Variants in UIMC1 observed in about 807,000 individuals in gnomAD.
UIMC1 encodes the protein ubiquitin interaction motif containing 1.
Under a neutral mutation model 84.9 loss-of-function variants are expected in UIMC1, and 42 were observed. The ratio of observed to expected loss-of-function variants is 0.49; its 90% CI spans 0.39 to 0.64. The LOEUF (loss-of-function observed/expected upper bound fraction) is 0.64. Among genes scored for constraint, UIMC1 ranks in the 30% least tolerant of loss-of-function variants. The pLI is 0.00. For missense variants in UIMC1, 825 were observed against 847.6 expected (o/e 0.97, Z 0.33); for synonymous variants, 281 against 293.0 (o/e 0.96, Z 0.42).
intron 10 of UIMC1, among the ~76,000 whole-genome samples, chr5:176,934,456 C>T (rs926504427): frequency 2.0e-5 from 3 of 152,124 alleles, no homozygotes; most frequent in African/African-American, 7.2e-5. Flanking sequence ...AGAGATGCAA[C>T]GGGTATCTTG....
chr5:176,938,310 G>A (rs1284548545), intron 10 of UIMC1, among the ~76,000 whole-genome samples: 4 of 150,744 alleles, frequency 2.7e-5, no homozygotes, highest in Admixed American at 2.6e-4. Context: ...TCTGTCTCCA[G>A]TCATATAAAG....
At chr5:177,006,789 G>C (rs1392113059), upstream of UIMC1, 1 of 152,230 alleles carries the variant, frequency 6.6e-6, no homozygotes, top group Non-Finnish European at 1.5e-5. Flanking sequence ...CGCAGGCGCA[G>C]CGCGCGGAGA....
At chr5:176,908,178 G>A (rs144015364) in intron 12 of UIMC1, among the ~76,000 whole-genome samples, 1 of 151,560 alleles carries the variant, frequency 6.6e-6, no homozygotes, top group Admixed American at 6.6e-5. Context: ...AGAGAGAAGG[G>A]GGGAGAGGGA....
chr5:177,008,717 T>C (rs574867774), upstream of UIMC1, among the ~76,000 whole-genome samples: 62 of 152,096 alleles, frequency 4.1e-4, no homozygotes, highest in Non-Finnish European at 5.6e-4. Context: ...GTGTAATCTC[T>C]CTTCTTGTGT....
chr5:176,915,663 G>C (rs904748398), intron 10 of UIMC1, among the ~76,000 whole-genome samples: 1 of 151,390 alleles, frequency 6.6e-6, no homozygotes, highest in Non-Finnish European at 1.5e-5. Flanking sequence ...ACCATCTTGG[G>C]CAGGCTGGTC....
At chr5:177,007,456 G>T (rs1284432194), upstream of UIMC1, among the ~76,000 whole-genome samples, 1 of 151,692 alleles carries the variant, frequency 6.6e-6, no homozygotes, top group Non-Finnish European at 1.5e-5. Flanking sequence ...GTGAACAGCA[G>T]AAATGTCCAA....
At chr5:176,998,420 C>G (rs116223621) in intron 1 of UIMC1, among the ~76,000 whole-genome samples, 1 of 143,160 alleles carries the variant, frequency 7.0e-6, no homozygotes, top group Non-Finnish European at 1.5e-5. Context: ...GCTGAGATTG[C>G]GCCACCACTG....
chr5:176,954,759 A>AG (rs976111389), intron 8 of UIMC1, among the ~76,000 whole-genome samples: 16 of 151,580 alleles, frequency 1.1e-4, no homozygotes, highest in African/African-American at 3.9e-4. Flanking sequence ...AAAAAAAAAA[A>AG]AAAAGAAAAA....
At chr5:176,928,626 C>T (rs1002852139) in intron 10 of UIMC1, among the ~76,000 whole-genome samples, 26 of 152,170 alleles carry the variant, frequency 1.7e-4, no homozygotes, top group Non-Finnish European at 1.6e-4. Context: ...TTGGACTCAA[C>T]GAGAGTTGAA....
At chr5:176,953,797 C>A (rs957048967) in intron 8 of UIMC1, among the ~76,000 whole-genome samples, 2 of 151,822 alleles carry the variant, frequency 1.3e-5, no homozygotes, top group African/African-American at 4.8e-5. Context: ...AACTAAGTAA[C>A]ACTAAAAAGA....
intron 10 of UIMC1, among the ~76,000 whole-genome samples, chr5:176,925,030 C>CAA (rs749987567): frequency 2.1e-4 from 11 of 52,942 alleles, no homozygotes; most frequent in Admixed American, 4.0e-4. Context: ...GACTCTGCCT[C>CAA]AAAAAAAAAA....
intron 1 of UIMC1, among the ~76,000 whole-genome samples, chr5:176,986,359 CAAAAAAAAAAAAAAA>C (rs71583560): frequency 7.1e-5 from 2 of 28,004 alleles, no homozygotes; most frequent in East Asian, 1.9e-3. Flanking sequence ...GACTTCATCT[CAAAAAAAAAAAAAAA>C]AAAAAAAAAA....
At chr5:176,929,880 A>G (rs1056746043) in intron 10 of UIMC1, among the ~76,000 whole-genome samples, 1 of 152,214 alleles carries the variant, frequency 6.6e-6, no homozygotes, top group African/African-American at 2.4e-5. Flanking sequence ...CTTCTAAAGA[A>G]TCATCAATGG....
At chr5:176,925,771 TGAAGAAGA>T (rs1275860420) in intron 10 of UIMC1, among the ~76,000 whole-genome samples, 1 of 151,950 alleles carries the variant, frequency 6.6e-6, no homozygotes, top group African/African-American at 2.4e-5. Flanking sequence ...GGGGGAGGGG[TGAAGAAGA>T]GATATGAGGG....
intron 6 of UIMC1, among the ~76,000 whole-genome samples, chr5:176,964,337 A>G (rs959988442): frequency 2.4e-4 from 36 of 152,378 alleles, no homozygotes; most frequent in Admixed American, 2.0e-3. Flanking sequence ...TCAGTGAACT[A>G]GATATTCTCA....
intron 1 of UIMC1, among the ~76,000 whole-genome samples, chr5:176,984,170 CGCCTCTGCCCGGCCGCCCCG>C (rs1771556844): frequency 8.8e-6 from 1 of 114,020 alleles, no homozygotes; most frequent in African/African-American, 3.4e-5. Context: ...AAGTGAGGAG[CGCCTCTGCCCGGCCGCCCCG>C]AATGGGAAGT....
chr5:176,905,513 T>A (rs369243368), intron 14 of UIMC1, 21 bp from the exon 15 acceptor site: 1 of 1,609,390 alleles, frequency 6.2e-7, no homozygotes, highest in African/African-American at 1.3e-5. Flanking sequence ...GGAAAAAAAT[T>A]CAGATTCAAT....
chr5:176,998,466 C>A (rs1388618404), intron 1 of UIMC1, among the ~76,000 whole-genome samples: 118 of 64,380 alleles, frequency 1.8e-3, no homozygotes, highest in African/African-American at 2.7e-3. Flanking sequence ...GACTCTGTCT[C>A]AAAAAAAAAA....
At chr5:176,959,630 G>A (rs1330337448) in intron 6 of UIMC1, among the ~76,000 whole-genome samples, 3 of 148,052 alleles carry the variant, frequency 2.0e-5, no homozygotes, top group African/African-American at 7.5e-5. Context: ...GCAGGAGAAT[G>A]GCGTGAACCC....
Sources: allele counts gnomAD v4.1 joint callset (sites outside exome capture counted in the v4.1 genomes callset), GRCh38; gene constraint gnomAD v4.1.1; transcripts MANE v1.5; gene names NCBI Gene and HGNC (gene_info 2026-07-23, HGNC 2026-07-21).